Variants in MAML3 observed in about 807,000 individuals in gnomAD.
The protein encoded by MAML3 is mastermind like transcriptional coactivator 3, also known as mastermind-like protein 3.
MAML3 carries 27 observed loss-of-function variants against 101.9 expected under a neutral mutation model. The ratio of observed to expected loss-of-function variants is 0.27; its 90% CI spans 0.20 to 0.37. The LOEUF (loss-of-function observed/expected upper bound fraction) is 0.37, where lower values mean the gene tolerates loss of function less well. Ranked by LOEUF, MAML3 falls within the 10% of genes least tolerant of loss-of-function variation. The probability of loss-of-function intolerance (pLI) is 1.00; values close to 1 mark genes in which losing one functional copy is unlikely to be tolerated. For synonymous variants in MAML3, 501 were observed against 555.9 expected (o/e 0.90, Z 1.39); for missense variants, 1,316 against 1,444.9 (o/e 0.91, Z 1.45).
chr4:139,792,998 G>T (rs939965313), intron 2 of MAML3, among the ~76,000 whole-genome samples: 1 of 151,890 alleles, frequency 6.6e-6, no homozygotes, highest in Non-Finnish European at 1.5e-5. Flanking sequence ...CGCCCGCCTC[G>T]GCCTCCCAAA....
At chr4:140,129,685 G>A (rs890798354) in intron 1 of MAML3, among the ~76,000 whole-genome samples, 14 of 152,182 alleles carry the variant, frequency 9.2e-5, no homozygotes, top group South Asian at 2.1e-4. Context: ...AAAACAAAAC[G>A]GCCGGGCGCG....
At chr4:139,874,805 CTT>C (rs35089838) in intron 2 of MAML3, among the ~76,000 whole-genome samples, 9 of 133,096 alleles carry the variant, frequency 6.8e-5, no homozygotes, top group Admixed American at 7.7e-5. Context: ...CCTATCTTTC[CTT>C]TTTTTTTTTT....
chr4:139,732,663 C>T (rs1048754732), intron 2 of MAML3, among the ~76,000 whole-genome samples: 2 of 150,408 alleles, frequency 1.3e-5, no homozygotes, highest in African/African-American at 4.9e-5. Context: ...CATAAGTTAT[C>T]GGGGTACAGG....
At chr4:140,110,323 C>G (rs1189195520) in intron 1 of MAML3, among the ~76,000 whole-genome samples, 4 of 152,238 alleles carry the variant, frequency 2.6e-5, no homozygotes, top group African/African-American at 9.6e-5. Context: ...CACAGTGCAA[C>G]GGTTCAGGCA....
intron 1 of MAML3, among the ~76,000 whole-genome samples, chr4:140,148,338 C>A (rs546498512): frequency 1.3e-5 from 2 of 152,034 alleles, no homozygotes; most frequent in Non-Finnish European, 2.9e-5. Context: ...ACTGGCTGCC[C>A]AGTACTAAAT....
chr4:139,882,655 C>T (rs1732243248), intron 2 of MAML3, among the ~76,000 whole-genome samples: 1 of 152,156 alleles, frequency 6.6e-6, no homozygotes, highest in African/African-American at 2.4e-5. Context: ...TTGAGACCAT[C>T]CTGGCCAATA....
chr4:140,056,615 T>C (rs190333349), intron 1 of MAML3, among the ~76,000 whole-genome samples: 139 of 152,110 alleles, frequency 9.1e-4, no homozygotes, highest in Non-Finnish European at 1.6e-3. Flanking sequence ...GAGACCCACC[T>C]GGCCAACATG....
intron 2 of MAML3, among the ~76,000 whole-genome samples, chr4:139,839,513 T>A (rs1453258741): frequency 6.6e-6 from 1 of 151,842 alleles, no homozygotes; most frequent in Admixed American, 6.6e-5. Context: ...TTGGCATTCC[T>A]TTTCATCCTT....
chr4:140,133,925 A>AT (rs1363607418), intron 1 of MAML3: 1 of 349,122 alleles, frequency 2.9e-6, no homozygotes, highest in East Asian at 7.5e-5. Context: ...CATCTATTTG[A>AT]TTTTTTACCC....
At chr4:139,842,116 C>G (rs10020932) in intron 2 of MAML3, among the ~76,000 whole-genome samples, 52,221 of 152,060 alleles carry the variant, frequency 0.34, 9,543 homozygotes, top group East Asian at 0.68. Flanking sequence ...AAGGCATCCC[C>G]TGGGAAGACT....
chr4:140,100,382 T>C (rs1024045580), intron 1 of MAML3, among the ~76,000 whole-genome samples: 2 of 152,208 alleles, frequency 1.3e-5, no homozygotes, highest in African/African-American at 4.8e-5. Flanking sequence ...GACCAAATTG[T>C]ATTCATTTTT....
intron 2 of MAML3, among the ~76,000 whole-genome samples, chr4:139,846,610 A>G (rs990321234): frequency 6.6e-6 from 1 of 152,196 alleles, no homozygotes; most frequent in African/African-American, 2.4e-5. Flanking sequence ...GGCCTCCCAA[A>G]GTGCAGGGAT....
At chr4:140,106,759 C>G (rs1728359089) in intron 1 of MAML3, among the ~76,000 whole-genome samples, 2 of 152,202 alleles carry the variant, frequency 1.3e-5, no homozygotes, top group South Asian at 4.1e-4. Flanking sequence ...AGCTTGAAAG[C>G]AATTCACTGA....
At chr4:140,029,241 T>A (rs1726871767) in intron 1 of MAML3, among the ~76,000 whole-genome samples, 1 of 152,174 alleles carries the variant, frequency 6.6e-6, no homozygotes, top group Non-Finnish European at 1.5e-5. Flanking sequence ...TATTGGTGAG[T>A]TTGCCACCTG....
intron 1 of MAML3, among the ~76,000 whole-genome samples, chr4:140,126,171 G>GT (rs1046193222): frequency 2.4e-4 from 13 of 53,954 alleles, no homozygotes; most frequent in African/African-American, 6.7e-4. Context: ...AATAAGCATT[G>GT]TTTAAAAAAA....
intron 1 of MAML3, among the ~76,000 whole-genome samples, chr4:139,991,907 G>T (rs950907609): frequency 1.3e-5 from 2 of 151,990 alleles, no homozygotes; most frequent in African/African-American, 4.8e-5. Flanking sequence ...AATTTCAAGT[G>T]TACAATTCAA....
At chr4:139,790,053 A>G (rs1730377132) in intron 2 of MAML3, among the ~76,000 whole-genome samples, 1 of 151,784 alleles carries the variant, frequency 6.6e-6, no homozygotes, top group Non-Finnish European at 1.5e-5. Context: ...TTATTCAGGC[A>G]CTTTTAACTA....
chr4:140,130,357 C>G lies in MAML3; in HGVS notation c.468+22503G>C, dbSNP rs372206372. On this transcript the variant is annotated intron_variant, in intron 1 of 4. Coordinates refer to ENST00000509479, the MANE Select transcript of MAML3 (RefSeq NM_018717.5). ...CATTTTCTCACCCCCATAATTTTAT[C>G]TGCCCAAATGCATATTTCTAAAAGA... is the stretch of plus-strand genomic sequence containing the variant. Among the ~76,000 whole-genome samples, 3 of 152,294 alleles carry G rather than the reference C, an allele frequency of 2.0e-5. No homozygotes were observed. The East Asian group carries it at 5.8e-4, about 29-fold the overall frequency.
chr4:139,878,052 C>G (rs962406682), intron 2 of MAML3, among the ~76,000 whole-genome samples: 35 of 152,202 alleles, frequency 2.3e-4, no homozygotes, highest in African/African-American at 7.7e-4. Context: ...TACTGTCTCA[C>G]ACTCAAAATA....
Sources: allele counts gnomAD v4.1 joint callset (sites outside exome capture counted in the v4.1 genomes callset), GRCh38; gene constraint gnomAD v4.1.1; transcripts MANE v1.5; gene names NCBI Gene and HGNC (gene_info 2026-07-23, HGNC 2026-07-21).